ACBD5: variants seen among roughly 807,000 people sequenced by gnomAD.
ACBD5 encodes the protein acyl-CoA-binding domain-containing protein 5.
Under a neutral mutation model 71.8 loss-of-function variants are expected in ACBD5, and 40 were observed. That is an observed-to-expected ratio of 0.56 (90% CI 0.43 to 0.72). The LOEUF is 0.72. ACBD5 is among the 30% of genes least tolerant of loss of function. The pLI is 0.00. For synonymous variants in ACBD5, 229 were observed against 218.6 expected (o/e 1.05, Z -0.42); for missense variants, 559 against 644.5 (o/e 0.87, Z 1.44).
At position 27,217,168 on chromosome 10, in the gene ACBD5, T is replaced by A. The variant is rs2061740398; in HGVS notation, c.829+812A>T. On this transcript the variant is annotated intron_variant, in intron 7 of 12. Coordinates refer to ENST00000396271, the MANE Select transcript of ACBD5 (RefSeq NM_145698.5). ...CTCAAAAAAAAAAAAAAAAAAGATG[T>A]TTCTCGGCCGGGCGCGTTGCCTCAC... 2.6e-5 allele frequency among the ~76,000 whole-genome samples: 3 copies of A among 114,830 alleles called. No homozygotes were observed. In the South Asian group the frequency reaches 8.1e-4, roughly 31 times the overall value. 75.3% of individuals were successfully genotyped at this position (114,830 alleles called of 152,430 possible).
downstream of ACBD5, among the ~76,000 whole-genome samples, chr10:27,193,679 C>A (rs2059178134): frequency 6.6e-6 from 1 of 152,094 alleles, no homozygotes; most frequent in African/African-American, 2.4e-5. Context: ...GACATTAGAT[C>A]TAAATGTACT....
At chr10:27,184,912 G>T (rs143804735) in intron 13 of ACBD5, among the ~76,000 whole-genome samples, 2 of 152,132 alleles carry the variant, frequency 1.3e-5, no homozygotes, top group Non-Finnish European at 2.9e-5. Context: ...ACAATGACAG[G>T]TAATGAAATG....
intron 13 of ACBD5, among the ~76,000 whole-genome samples, chr10:27,185,109 C>A (rs775196787): frequency 1.3e-5 from 2 of 152,050 alleles, no homozygotes; most frequent in African/African-American, 2.4e-5. Flanking sequence ...CTTGAAGTCA[C>A]CATGAAGGAT....
chr10:27,200,134 A>T (rs1371654881), intron 12 of ACBD5, among the ~76,000 whole-genome samples: 1 of 152,196 alleles, frequency 6.6e-6, no homozygotes, highest in Non-Finnish European at 1.5e-5. Context: ...AGGTTAAGCC[A>T]TTCTAAGTCA....
chr10:27,240,991 G>A (rs2065435601), upstream of ACBD5: 2 of 561,806 alleles, frequency 3.6e-6, no homozygotes, highest in Admixed American at 3.1e-5. This position sits in a 1 kb window ranked among gnomAD's most constrained non-coding sequence, Gnocchi z 4.1. Context: ...GGCTTGGTGC[G>A]GGGAGCACAC....
Position 27,196,961 on chromosome 10 carries a change from A to G in ACBD5, c.*469T>C. 1 of 454,298 alleles carries G rather than the reference A, an allele frequency of 2.2e-6. No individual in the cohort carries two copies. Among genetic ancestry groups the G allele is most frequent in the South Asian group, 1.6e-5 (1 of 64,464 alleles). The allele number at this position is 454,298 out of a possible 1,614,324, so 28.1% of individuals were successfully genotyped here. A position where few individuals can be genotyped will look rare whatever the true frequency, so the allele number is the denominator to read the frequency against. On this transcript the variant is annotated 3_prime_UTR_variant, in exon 13 of 13. Coordinates refer to ENST00000396271, the MANE Select transcript of ACBD5 (RefSeq NM_145698.5). ...ACATGCCATGGCAACTCCGTGACTA[A>G]GATATAAAGTCGATTACATCTCATT...
chr10:27,217,956 C>T (rs774387452), intron 7 of ACBD5, 24 bp downstream of exon 7: 31 of 1,607,140 alleles, frequency 1.9e-5, no homozygotes, highest in Non-Finnish European at 2.6e-5. Flanking sequence ...AGAGGCTGGA[C>T]ACAGAATTAT....
At chr10:27,210,697 G>A in intron 9 of ACBD5, 117 bp downstream of exon 9, 1 of 1,345,902 alleles carries the variant, frequency 7.4e-7, no homozygotes, top group East Asian at 2.4e-5. Context: ...GGCAGAGGTT[G>A]CAGTGAGCCG....
In ACBD5 at chr10:27,202,294, T is replaced by C. The variant is rs1006548314; in HGVS notation, c.1565+2146A>G. Among the ~76,000 whole-genome samples, 6 of 152,170 alleles carry C rather than the reference T, an allele frequency of 3.9e-5. No individual in the cohort carries two copies. In the South Asian group the frequency reaches 1.2e-3, roughly 31 times the overall value. Reference sequence around the variant, plus strand: ...CTATTACATATATAAGCAAACAATATGTAAAAACACTATACCTCGTCAAAA... The same window carrying C: ...CTATTACATATATAAGCAAACAATACGTAAAAACACTATACCTCGTCAAAA... On this transcript the variant is annotated intron_variant, in intron 12 of 12. Transcript: ENST00000396271.
At chr10:27,194,444 C>T (rs992920090), downstream of ACBD5, among the ~76,000 whole-genome samples, 2 of 149,864 alleles carry the variant, frequency 1.3e-5, no homozygotes, top group African/African-American at 4.9e-5. Flanking sequence ...AACCCCGTCT[C>T]TACTAAACGT....
chr10:27,242,104 C>G (rs2065572803), upstream of ACBD5: 3 of 448,920 alleles, frequency 6.7e-6, no homozygotes, highest in South Asian at 4.7e-5. Context: ...CCCCGACGCC[C>G]GCCCCTCGCC....
rs966947446 is a variant in ACBD5 at position 27,219,573 on chromosome 10, C to T, written c.625+150G>A. On this transcript the variant is annotated intron_variant, in intron 6 of 12. Coordinates refer to ENST00000396271, the MANE Select transcript of ACBD5 (RefSeq NM_145698.5). ...CTGTTCCTATACTATGTAGTAGAGC[C>T]TTTTGGTCCACAGCAAACTTGTTTA... 5.1e-6 allele frequency: 5 copies of T among 986,390 alleles called. No homozygotes were observed. In the African/African-American group the frequency reaches 6.4e-5, roughly 13 times the overall value. 61.1% of individuals were successfully genotyped at this position (986,390 alleles called of 1,614,324 possible). A position where few individuals can be genotyped will look rare whatever the true frequency, so the allele number is the denominator to read the frequency against.
chr10:27,241,203 A>G (rs915132083), upstream of ACBD5, among the ~76,000 whole-genome samples: 1 of 152,158 alleles, frequency 6.6e-6, no homozygotes, highest in Non-Finnish European at 1.5e-5. Flanking sequence ...AGGTTTGAGG[A>G]AGTTAAATGG....
upstream of ACBD5, among the ~76,000 whole-genome samples, chr10:27,241,127 C>T (rs1341970842): frequency 1.3e-5 from 2 of 152,214 alleles, no homozygotes; most frequent in African/African-American, 4.8e-5. Flanking sequence ...CAAAGCTGCA[C>T]GCGACGGCAC....
intron 4 of ACBD5, among the ~76,000 whole-genome samples, chr10:27,225,502 T>C (rs2062903990): frequency 6.6e-6 from 1 of 152,220 alleles, no homozygotes; most frequent in Non-Finnish European, 1.5e-5. Flanking sequence ...AATTTAATTT[T>C]ACAGCTTGTA....
chr10:27,207,969 A>G (rs1199752538), intron 10 of ACBD5, among the ~76,000 whole-genome samples: 1 of 152,158 alleles, frequency 6.6e-6, no homozygotes, highest in Non-Finnish European at 1.5e-5. Context: ...TCCTGAACTC[A>G]GGTGATCCAC....
At chr10:27,205,006 A>G (rs906671931) in intron 11 of ACBD5, among the ~76,000 whole-genome samples, 192 bp downstream of exon 11, 1 of 152,106 alleles carries the variant, frequency 6.6e-6, no homozygotes, top group Non-Finnish European at 1.5e-5. Context: ...GGGCACCTGT[A>G]GTCCCAGCTA....
In ACBD5 at chr10:27,195,919, C is replaced by A. The variant is rs1340411936; in HGVS notation, c.*1511G>T. The A allele has an allele frequency of 6.6e-6, 3 of 453,306 alleles. No individual in the cohort carries two copies. Among genetic ancestry groups the A allele is most frequent in the South Asian group, 1.6e-5 (1 of 64,284 alleles). The allele number at this position is 453,306 out of a possible 1,614,324, so 28.1% of individuals were successfully genotyped here. A position where few individuals can be genotyped will look rare whatever the true frequency, so the allele number is the denominator to read the frequency against. ...GAGAATGCTTAAAAATTATTTGCTA[C>A]AGGCCAGGTGCAGTGGCTCACGCCT... On this transcript the variant is annotated 3_prime_UTR_variant, in exon 13 of 13. Transcript: ENST00000396271.
intron 12 of ACBD5, 148 bp from the exon 13 acceptor site, chr10:27,197,590 G>C: frequency 1.5e-6 from 1 of 654,408 alleles, no homozygotes; most frequent in Non-Finnish European, 2.7e-6. Context: ...ATGACTTGCA[G>C]CCTGATAGGA....
Sources: gnomAD v4.1 joint callset for allele counts (sites outside exome capture counted in the v4.1 genomes callset) on GRCh38, gnomAD v4.1.1 for gene constraint, Gnocchi (gnomAD v3.1) non-coding constraint, MANE v1.5 for transcripts, NCBI Gene and HGNC (gene_info 2026-07-23, HGNC 2026-07-21) for gene names.